LDLRAD4: variants seen among roughly 807,000 people sequenced by gnomAD.
LDLRAD4 encodes low-density lipoprotein receptor class A domain-containing protein 4.
LDLRAD4 carries 5 observed loss-of-function variants against 17.0 expected under a neutral mutation model. The observed-to-expected ratio is 0.29, with a 90% CI of 0.15 to 0.62. The LOEUF is 0.62. Ranked by LOEUF, LDLRAD4 falls within the 20% of genes least tolerant of loss-of-function variation. The pLI is 0.84. For missense variants in LDLRAD4, 340 were observed against 424.7 expected (o/e 0.80, Z 1.75); for synonymous variants, 168 against 171.8 (o/e 0.98, Z 0.17).
chr18:13,276,661 C>CTT (rs2044888034), upstream of LDLRAD4, among the ~76,000 whole-genome samples: 1 of 152,214 alleles, frequency 6.6e-6, no homozygotes, highest in African/African-American at 2.4e-5. Context: ...CCCTCACAGG[C>CTT]CCCATCATGA....
At chr18:13,550,988 C>T (rs1601318444) in intron 3 of LDLRAD4, among the ~76,000 whole-genome samples, 2 of 152,310 alleles carry the variant, frequency 1.3e-5, no homozygotes, top group Admixed American at 1.3e-4. Context: ...TCTCATCACC[C>T]AGCCCAGGGG....
intron 1 of LDLRAD4, among the ~76,000 whole-genome samples, chr18:13,307,490 C>G (rs368160910): frequency 1.3e-5 from 2 of 152,134 alleles, no homozygotes; most frequent in African/African-American, 4.8e-5. Context: ...CATCTTGGCA[C>G]CCTGCAGCCT....
At position 13,337,043 on chromosome 18, in the gene LDLRAD4, T is replaced by C. The variant is rs182499426; in HGVS notation, c.-382-50298T>C. Among the ~76,000 whole-genome samples the C allele has an allele frequency of 4.9e-3, 743 of 152,314 alleles. 2 individuals are homozygous for C. The highest frequency in any genetic ancestry group is 8.7e-3 in the Non-Finnish European group (595 of 68,032). On this transcript the variant is annotated intron_variant, in intron 1 of 5. Coordinates refer to ENST00000359446, the Ensembl canonical transcript of LDLRAD4. Reference sequence around the variant, plus strand: ...GCTTTATTCAAGAGATACTGTGATATGGAGAAGCTTCCAGGATGGCTTTCC... The same window carrying C: ...GCTTTATTCAAGAGATACTGTGATACGGAGAAGCTTCCAGGATGGCTTTCC...
chr18:13,639,413 CAG>C (rs2042336986), intron 4 of LDLRAD4, among the ~76,000 whole-genome samples: 1 of 152,228 alleles, frequency 6.6e-6, no homozygotes, highest in African/African-American at 2.4e-5. Flanking sequence ...CCTCGTTTGA[CAG>C]AGATGGAGCA....
At chr18:13,608,372 G>T (rs540426017) in intron 3 of LDLRAD4, among the ~76,000 whole-genome samples, 2 of 152,094 alleles carry the variant, frequency 1.3e-5, no homozygotes, top group Non-Finnish European at 2.9e-5. Context: ...GGGGCATACC[G>T]AGAAGCCCTG....
At position 13,561,119 on chromosome 18, in the gene LDLRAD4, T is replaced by A. The variant is rs1456497694; in HGVS notation, c.182-59998T>A. Among the ~76,000 whole-genome samples the A allele has an allele frequency of 2.1e-5, 3 of 142,226 alleles. No individual in the cohort carries two copies. In the Admixed American group the frequency reaches 2.2e-4, roughly 10 times the overall value. The allele number at this position is 142,226 out of a possible 152,430, so 93.3% of individuals were successfully genotyped here. A position where few individuals can be genotyped will look rare whatever the true frequency, so the allele number is the denominator to read the frequency against. On this transcript the variant is annotated intron_variant, in intron 3 of 5. Transcript: ENST00000359446. ...GCTCCCCAGTTACCAGATCTTACTG[T>A]CTCAGGGAACATCCTGCAGATATTC...
At chr18:13,606,694 C>G in intron 3 of LDLRAD4, among the ~76,000 whole-genome samples, 1 of 152,170 alleles carries the variant, frequency 6.6e-6, no homozygotes, top group East Asian at 1.9e-4. Context: ...AGTTTGTGTT[C>G]TTTTAAAATC....
At position 13,416,635 on chromosome 18, in the gene LDLRAD4, G is replaced by A. The variant is rs141954478; in HGVS notation, c.41-21609G>A. ...CTGGCACCTTAAAACATTTTTGCCC[G>A]TGTCTAGTAATATAGGAATTCATTC... On this transcript the variant is annotated intron_variant, in intron 2 of 5. Coordinates refer to ENST00000359446, the Ensembl canonical transcript of LDLRAD4. 2.1e-3 allele frequency among the ~76,000 whole-genome samples: 322 copies of A among 152,240 alleles called. 1 individual carries two copies. The highest frequency in any genetic ancestry group is 7.4e-3 in the African/African-American group (309 of 41,536).
chr18:13,254,127 T>G (rs955124861), intron 1 of LDLRAD4, among the ~76,000 whole-genome samples: 1 of 152,198 alleles, frequency 6.6e-6, no homozygotes, highest in Non-Finnish European at 1.5e-5. Context: ...CCCAGGGATT[T>G]CTGGAGGCAG....
intron 3 of LDLRAD4, among the ~76,000 whole-genome samples, chr18:13,484,760 A>C (rs1232842514): frequency 6.6e-6 from 1 of 152,232 alleles, no homozygotes; most frequent in East Asian, 1.9e-4. Context: ...TATCTGACCC[A>C]GTGCCAGTAT....
chr18:13,334,547 A>G (rs551471914), intron 1 of LDLRAD4, among the ~76,000 whole-genome samples: 1 of 152,294 alleles, frequency 6.6e-6, no homozygotes, highest in East Asian at 1.9e-4. Context: ...ATTAACCTTT[A>G]TATATTAACT....
intron 3 of LDLRAD4, among the ~76,000 whole-genome samples, chr18:13,549,163 TG>T (rs2094404963): frequency 6.6e-6 from 1 of 152,196 alleles, no homozygotes; most frequent in Non-Finnish European, 1.5e-5. Context: ...TCAGAAAAGC[TG>T]TGTAAAGATG....
At chr18:13,224,338 A>T (rs888249710) in intron 1 of LDLRAD4, among the ~76,000 whole-genome samples, 3 of 152,148 alleles carry the variant, frequency 2.0e-5, no homozygotes, top group African/African-American at 7.2e-5. Flanking sequence ...GTGGAGTGTG[A>T]CTGCCCGGTT....
intron 1 of LDLRAD4, among the ~76,000 whole-genome samples, chr18:13,302,764 C>A (rs937982937): frequency 2.0e-5 from 3 of 152,174 alleles, no homozygotes; most frequent in African/African-American, 7.2e-5. Context: ...TATGTTTATG[C>A]AGTTATGGTA....
At chr18:13,480,533 T>C (rs2093057294) in intron 3 of LDLRAD4, among the ~76,000 whole-genome samples, 1 of 151,964 alleles carries the variant, frequency 6.6e-6, no homozygotes, top group African/African-American at 2.4e-5. Context: ...TGTACAAGAG[T>C]GAACCCTAAC....
At chr18:13,569,215 C>T (rs1785144) in intron 3 of LDLRAD4, among the ~76,000 whole-genome samples, 91,284 of 151,810 alleles carry the variant, frequency 0.6, 28,103 homozygotes, top group East Asian at 0.87. Context: ...CTTCCCCACA[C>T]GTGGCCTCAG....
exon 6 of LDLRAD4, chr18:13,646,050 A>G (rs1399531407): frequency 6.2e-6 from 1 of 162,008 alleles, no homozygotes; most frequent in Non-Finnish European, 1.3e-5. Context: ...TGAATAAAGA[A>G]GGAAGCATTA....
In LDLRAD4 at chr18:13,621,294, C is replaced by T. The variant is rs771200086; in HGVS notation, c.336+23C>T. ...CAGGTGAGTACCCTGGCCGCCCCGG[C>T]TCCAGAGTCAGGCAGCTGCAAGAGG... On this transcript the variant is annotated intron_variant, in intron 4 of 5. Coordinates refer to ENST00000359446, the Ensembl canonical transcript of LDLRAD4. This position sits in a 1 kb window ranked among gnomAD's most constrained non-coding sequence, Gnocchi z 5.5. The T allele has an allele frequency of 6.3e-7, 1 of 1,590,936 alleles. No individual in the cohort carries two copies. The highest frequency in any genetic ancestry group is 8.6e-7 in the Non-Finnish European group (1 of 1,163,864).
chr18:13,466,601 A>G (rs894037613), intron 3 of LDLRAD4, among the ~76,000 whole-genome samples: 2 of 152,240 alleles, frequency 1.3e-5, no homozygotes, highest in Non-Finnish European at 2.9e-5. Context: ...CTTTGATTAT[A>G]AAAACACACA....
Sources: gnomAD v4.1 joint callset for allele counts (sites outside exome capture counted in the v4.1 genomes callset) on GRCh38, gnomAD v4.1.1 for gene constraint, Gnocchi (gnomAD v3.1) non-coding constraint, MANE v1.5 for transcripts, NCBI Gene and HGNC (gene_info 2026-07-23, HGNC 2026-07-21) for gene names.